The following RELB variants were observed in gnomAD, a reference collection of about 807,000 sequenced individuals.
RELB encodes RELB proto-oncogene, NF-kB subunit, also known as transcription factor RelB.
Under a neutral mutation model 55.4 loss-of-function variants are expected in RELB, and 14 were observed. That is an observed-to-expected ratio of 0.25 (90% CI 0.17 to 0.40). RELB has a LOEUF of 0.40. Among genes scored for constraint, RELB ranks in the 10% least tolerant of loss-of-function variants. RELB has a pLI of 1.00. For synonymous variants in RELB, 409 were observed against 371.3 expected, an observed-to-expected ratio of 1.10 and a Z score of -1.17; for missense variants, 669 against 830.7, an observed-to-expected ratio of 0.81 and a Z score of 2.39.
chr19:45,036,521 T>C (rs529176115), intron 11 of RELB, among the ~76,000 whole-genome samples: 1 of 152,272 alleles, frequency 6.6e-6, no homozygotes, highest in East Asian at 1.9e-4. Context: ...GAGATTTCAC[T>C]TTTTGGGTTG....
chr19:45,006,680 G>A (rs1012239993), intron 2 of RELB, among the ~76,000 whole-genome samples: 1 of 151,952 alleles, frequency 6.6e-6, no homozygotes, highest in Non-Finnish European at 1.5e-5. Flanking sequence ...GATAAAACAG[G>A]CTGGGTGTGG....
Position 45,032,575 on chromosome 19 carries a change from C to A in RELB, c.1033C>A (p.Arg345=). 6.2e-7 allele frequency: 1 copy of A among 1,613,498 alleles called. No homozygotes were observed. Among genetic ancestry groups the A allele is most frequent in the Non-Finnish European group, 8.5e-7 (1 of 1,179,750 alleles). Residue 345 remains arginine (R), a synonymous_variant, in exon 9 of 12, where the codon CGG becomes AGG. Coordinates refer to ENST00000221452, the MANE Select transcript of RELB (RefSeq NM_006509.4). ...GTTCAGCAGGGCCTCCTGGGAAGGT[C>A]GGGCTGACTTCTCCCAGGCCGACGT... is the stretch of plus-strand genomic sequence containing the variant. ...VVFSRASWEG[R]ADFSQADVHR...
At position 45,003,915 on chromosome 19, in the gene RELB, GTTTTTTTTTTTT is replaced by G. The variant is rs1039624578; in HGVS notation, c.154+934_154+945del. On this transcript the variant is annotated intron_variant, in intron 2 of 11. Coordinates refer to ENST00000221452, the MANE Select transcript of RELB (RefSeq NM_006509.4). Reference sequence around the variant, plus strand: ...TGGGTTTTTTTTGTCTGTTTTTTGTGTTTTTTTTTTTTTTTTTTTTTTTTTTGAGACAGAGTC... The same window carrying G: ...TGGGTTTTTTTTGTCTGTTTTTTGTGTTTTTTTTTTTTTTGAGACAGAGTC... Among the ~76,000 whole-genome samples the G allele has an allele frequency of 4.4e-4, 28 of 63,578 alleles. 1 individual carries two copies. The highest frequency in any genetic ancestry group is 1.6e-3 in the African/African-American group (28 of 16,996). 41.7% of individuals were successfully genotyped at this position (63,578 alleles called of 152,430 possible). A position where few individuals can be genotyped will look rare whatever the true frequency, so the allele number is the denominator to read the frequency against.
chr19:45,037,218 G>A (rs998900522), intron 11 of RELB, among the ~76,000 whole-genome samples, 187 bp from the exon 12 acceptor site: 13 of 151,566 alleles, frequency 8.6e-5, no homozygotes, highest in African/African-American at 2.9e-4. Context: ...GGAGGCAGAG[G>A]TTGCAGTGAG....
chr19:45,009,755 A>T, intron 2 of RELB, 59 bp from the exon 3 acceptor site: 5 of 1,586,994 alleles, frequency 3.2e-6, no homozygotes, highest in Non-Finnish European at 4.3e-6. Context: ...TAAAAGATGA[A>T]AAGTTGTGAC....
chr19:45,024,460 C>T (rs1971532878), intron 5 of RELB, among the ~76,000 whole-genome samples: 1 of 152,090 alleles, frequency 6.6e-6, no homozygotes, highest in South Asian at 2.1e-4. Context: ...CCACGCCCGG[C>T]CTGAAGTTTT....
At chr19:45,018,869 T>C (rs1971451701) in intron 4 of RELB, among the ~76,000 whole-genome samples, 1 of 151,612 alleles carries the variant, frequency 6.6e-6, no homozygotes. Flanking sequence ...AGAGACGGGG[T>C]TTCTCCATGT....
chr19:45,001,589 T>G lies in RELB; in HGVS notation c.10T>G (p.Ser4Ala). 1 of 1,481,838 alleles carries G rather than the reference T, an allele frequency of 6.7e-7. No individual in the cohort carries two copies. The highest frequency in any genetic ancestry group is 8.9e-7 in the Non-Finnish European group (1 of 1,122,554). The allele number at this position is 1,481,838 out of a possible 1,614,324, so 91.8% of individuals were successfully genotyped here. A position where few individuals can be genotyped will look rare whatever the true frequency, so the allele number is the denominator to read the frequency against. Residue 4 changes from serine to alanine, a missense_variant, in exon 1 of 12, where the codon TCT becomes GCT. Around this residue, in one of 3 missense-constraint regions of RELB, gnomAD observed 323 missense variants for 368.5 expected, o/e 0.88. Coordinates refer to ENST00000221452, the MANE Select transcript of RELB (RefSeq NM_006509.4). Reference protein sequence around the residue: MLRSGPASGPSVPT... With the variant: MLRAGPASGPSVPT... ...CGGCCGGCCCGCGTGCATGCTTCGGTCTGGGCCAGCCTCTGGGCCGTCCGT... is the reference window on the plus strand; with the variant it reads ...CGGCCGGCCCGCGTGCATGCTTCGGGCTGGGCCAGCCTCTGGGCCGTCCGT...
intron 7 of RELB, among the ~76,000 whole-genome samples, chr19:45,027,113 G>C (rs1253296754): frequency 6.6e-6 from 1 of 151,460 alleles, no homozygotes; most frequent in Admixed American, 6.6e-5. Flanking sequence ...GGCGCCTGTA[G>C]TCCCAGCTAC....
chr19:45,003,143 GC>G, intron 2 of RELB, 147 bp downstream of exon 2: 1 of 764,904 alleles, frequency 1.3e-6, no homozygotes, highest in Non-Finnish European at 2.1e-6. Context: ...GTTGAGATGG[GC>G]CCCCTAGGTT....
chr19:45,006,387 A>G (rs1471121760), intron 2 of RELB, among the ~76,000 whole-genome samples: 2 of 151,884 alleles, frequency 1.3e-5, no homozygotes, highest in Non-Finnish European at 1.5e-5. Flanking sequence ...GTACTTTTAG[A>G]GAAACGGGGT....
rs1971328911 is a variant in RELB at position 45,009,955 on chromosome 19, T to G, written c.163+133T>G. ...GTGACTTCCAGGACTGTGGAGGGATTTGAACGAAGTCATGCTCCTAAGGTA... is the reference window on the plus strand; with the variant it reads ...GTGACTTCCAGGACTGTGGAGGGATGTGAACGAAGTCATGCTCCTAAGGTA... On this transcript the variant is annotated intron_variant, in intron 3 of 11. Coordinates refer to ENST00000221452, the MANE Select transcript of RELB (RefSeq NM_006509.4). 5 of 918,128 alleles carry G rather than the reference T, an allele frequency of 5.4e-6. No homozygotes were observed. The Admixed American group carries it at 1.0e-4, about 19-fold the overall frequency. 56.9% of individuals were successfully genotyped at this position (918,128 alleles called of 1,614,324 possible).
intron 4 of RELB, among the ~76,000 whole-genome samples, chr19:45,021,456 CAAA>C (rs527934701): frequency 2.2e-4 from 15 of 68,952 alleles, no homozygotes; most frequent in Non-Finnish European, 3.2e-4. Flanking sequence ...GACTCCATCT[CAAA>C]AAAAAAAAAA....
intron 11 of RELB, 128 bp from the exon 12 acceptor site, chr19:45,037,277 A>C: frequency 9.8e-7 from 1 of 1,016,510 alleles, no homozygotes; most frequent in Non-Finnish European, 1.4e-6. Context: ...ATGAGACTCC[A>C]TCTCAGAAAA....
chr19:45,009,837 G>A lies in RELB; in HGVS notation c.163+15G>A. The stretch of plus-strand genomic sequence containing the variant: ...AGATGAATTGGGTGAGTATCACAGG[G>A]CAGGTTTGCGGGGAGGCTGAGGGAC... On this transcript the variant is annotated intron_variant, in intron 3 of 11. Transcript: ENST00000221452. The A allele has an allele frequency of 6.3e-7, 1 of 1,598,382 alleles. No homozygotes were observed. Among genetic ancestry groups the A allele is most frequent in the Non-Finnish European group, 8.5e-7 (1 of 1,179,190 alleles).
At chr19:45,035,969 G>A (rs1286992480) in intron 11 of RELB, among the ~76,000 whole-genome samples, 1 of 152,194 alleles carries the variant, frequency 6.6e-6, no homozygotes, top group African/African-American at 2.4e-5. Context: ...CAGCCATTAC[G>A]CCCACGTTCC....
chr19:45,017,449 T>TTAAAAAAA (rs1555726090), intron 4 of RELB, among the ~76,000 whole-genome samples: 13 of 102,700 alleles, frequency 1.3e-4, no homozygotes, highest in Non-Finnish European at 7.1e-5. Flanking sequence ...AGAATCTGTC[T>TTAAAAAAA]AAAAAAAAAA....
chr19:45,008,000 CA>C (rs57007961), intron 2 of RELB, among the ~76,000 whole-genome samples: 29,375 of 63,238 alleles, frequency 0.46, 4,566 homozygotes, highest in East Asian at 0.49. Flanking sequence ...GCTAAAAATA[CA>C]AAAAAAAAAA....
chr19:45,008,275 G>A (rs1971308171), intron 2 of RELB, among the ~76,000 whole-genome samples: 1 of 152,158 alleles, frequency 6.6e-6, no homozygotes, highest in African/African-American at 2.4e-5. Context: ...AGATGAAGAA[G>A]CCAAGGCACA....
Sources: gnomAD v4.1 joint callset for allele counts (sites outside exome capture counted in the v4.1 genomes callset) on GRCh38, gnomAD v4.1.1 for gene constraint, gnomAD v4.1.1 regional missense constraint, MANE v1.5 for transcripts, NCBI Gene and HGNC (gene_info 2026-07-23, HGNC 2026-07-21) for gene names.